Variants in CSGALNACT1 observed in about 807,000 individuals in gnomAD.
The protein encoded by CSGALNACT1 is chondroitin sulfate N-acetylgalactosaminyltransferase 1, also known as beta4GalNAcT-1.
Under a neutral mutation model 51.0 loss-of-function variants are expected in CSGALNACT1, and 52 were observed. The observed-to-expected ratio is 1.02, with a 90% CI of 0.82 to 1.29. The LOEUF is 1.29. Ranked by LOEUF, CSGALNACT1 falls within the 50% of genes most tolerant of loss-of-function variation. The pLI is 0.00. For synonymous variants in CSGALNACT1, 341 were observed against 254.4 expected (o/e 1.34, Z -3.24); for missense variants, 935 against 679.2 (o/e 1.38, Z -4.19).
At chr8:19,747,802 C>T (rs1399409961) in intron 1 of CSGALNACT1, among the ~76,000 whole-genome samples, 1 of 150,570 alleles carries the variant, frequency 6.6e-6, no homozygotes, top group Non-Finnish European at 1.5e-5. Context: ...ACACCTCCAA[C>T]TGGAGGAGAA....
At chr8:19,704,614 C>G (rs2062056512) in intron 1 of CSGALNACT1, among the ~76,000 whole-genome samples, 2 of 152,148 alleles carry the variant, frequency 1.3e-5, no homozygotes, top group Admixed American at 6.5e-5. Flanking sequence ...CAAAGAGATA[C>G]CTGCACTATT....
intron 3 of CSGALNACT1, among the ~76,000 whole-genome samples, chr8:19,541,144 A>T (rs1466786235): frequency 6.6e-6 from 1 of 151,880 alleles, no homozygotes; most frequent in Non-Finnish European, 1.5e-5. Flanking sequence ...CAGTGGCATG[A>T]TCGCAGCTCA....
At chr8:19,687,524 A>G (rs2061044876), upstream of CSGALNACT1, among the ~76,000 whole-genome samples, 1 of 152,248 alleles carries the variant, frequency 6.6e-6, no homozygotes, top group African/African-American at 2.4e-5. Context: ...TTCTTTTCAC[A>G]TAGAAGTTAA....
intron 4 of CSGALNACT1, among the ~76,000 whole-genome samples, chr8:19,470,281 C>G (rs1174432586): frequency 6.6e-6 from 1 of 152,096 alleles, no homozygotes; most frequent in African/African-American, 2.4e-5. Flanking sequence ...TCGTTAATTT[C>G]TTGGTGAAAC....
At chr8:19,480,672 G>A (rs987377394) in intron 4 of CSGALNACT1, among the ~76,000 whole-genome samples, 1 of 152,124 alleles carries the variant, frequency 6.6e-6, no homozygotes, top group Admixed American at 6.5e-5. Flanking sequence ...CCATCATTGG[G>A]AATTTCTAGT....
intron 9 of CSGALNACT1, among the ~76,000 whole-genome samples, chr8:19,406,696 C>A (rs1399813343): frequency 1.4e-5 from 2 of 147,880 alleles, no homozygotes; most frequent in Non-Finnish European, 3.0e-5. Context: ...CCTCTGAATG[C>A]AGATTCTTGT....
chr8:19,426,259 G>C (rs1240144051), intron 6 of CSGALNACT1, among the ~76,000 whole-genome samples: 1 of 152,166 alleles, frequency 6.6e-6, no homozygotes, highest in African/African-American at 2.4e-5. Context: ...CACTCAGATG[G>C]GCACCAGAGA....
At chr8:19,637,043 T>C (rs1000153439) in intron 1 of CSGALNACT1, among the ~76,000 whole-genome samples, 3 of 145,838 alleles carry the variant, frequency 2.1e-5, no homozygotes, top group Non-Finnish European at 4.5e-5. Context: ...AAAAAAAAAA[T>C]AGAACAATTA....
chr8:19,574,515 A>C (rs1012810091), intron 3 of CSGALNACT1, among the ~76,000 whole-genome samples: 8 of 152,198 alleles, frequency 5.3e-5, no homozygotes, highest in African/African-American at 1.9e-4. Flanking sequence ...CATTTTGCAC[A>C]ACAAATGCTG....
At chr8:19,606,145 C>G (rs964476686), upstream of CSGALNACT1, among the ~76,000 whole-genome samples, 1 of 152,202 alleles carries the variant, frequency 6.6e-6, no homozygotes, top group South Asian at 2.1e-4. Flanking sequence ...ACCCTCTTCA[C>G]CATCAGCATG....
chr8:19,518,252 G>A (rs1182816843), intron 3 of CSGALNACT1, among the ~76,000 whole-genome samples: 1 of 152,188 alleles, frequency 6.6e-6, no homozygotes, highest in African/African-American at 2.4e-5. Flanking sequence ...CTAACTAAGA[G>A]CAGCCTGAAA....
intron 1 of CSGALNACT1, among the ~76,000 whole-genome samples, chr8:19,746,512 A>C (rs557961887): frequency 6.6e-6 from 1 of 152,358 alleles, no homozygotes; most frequent in Admixed American, 6.5e-5. Context: ...ATCTTAGATA[A>C]GTCACTTAGC....
chr8:19,443,904 T>C (rs1186724145), intron 5 of CSGALNACT1, among the ~76,000 whole-genome samples: 2 of 152,186 alleles, frequency 1.3e-5, no homozygotes, highest in Non-Finnish European at 1.5e-5. Context: ...GGTGGGCTTA[T>C]GGTTTCAGCA....
intron 8 of CSGALNACT1, among the ~76,000 whole-genome samples, chr8:19,414,933 C>T (rs1211304268): frequency 1.3e-5 from 2 of 152,166 alleles, no homozygotes; most frequent in South Asian, 2.1e-4. Flanking sequence ...TGATCCATCT[C>T]CAACCATTAC....
intron 1 of CSGALNACT1, among the ~76,000 whole-genome samples, chr8:19,748,906 A>C (rs530714119): frequency 6.6e-6 from 1 of 151,834 alleles, no homozygotes; most frequent in Non-Finnish European, 1.5e-5. Context: ...CAGAGGTTGC[A>C]GTGAGCCGAG....
chr8:19,587,067 T>C (rs142445340), intron 3 of CSGALNACT1, among the ~76,000 whole-genome samples: 6 of 152,342 alleles, frequency 3.9e-5, no homozygotes, highest in East Asian at 1.9e-4. Context: ...GTTTGAGTTA[T>C]TGGCCTTAGG....
intron 1 of CSGALNACT1, among the ~76,000 whole-genome samples, chr8:19,662,384 A>T (rs2058838439): frequency 6.6e-6 from 1 of 152,264 alleles, no homozygotes; most frequent in African/African-American, 2.4e-5. Flanking sequence ...CTTGCCTCTA[A>T]AAAAGAAAGA....
In CSGALNACT1 at chr8:19,505,959, T is replaced by G; in HGVS notation, c.-125A>C. On this transcript the variant is annotated 5_prime_UTR_variant, in exon 4 of 10. The change abolishes an upstream ATG in the 5' untranslated region. Coordinates refer to ENST00000454498, the Ensembl canonical transcript of CSGALNACT1. ...GGGCCCCCGGAGCTGCTTGCATCCA[T>G]TTCCTTCTAGAACGAGTTCTGCCTC... 9.1e-7 allele frequency: 1 copy of G among 1,094,894 alleles called. No individual in the cohort carries two copies. Among genetic ancestry groups the G allele is most frequent in the Non-Finnish European group, 1.4e-6 (1 of 740,072 alleles). The allele number at this position is 1,094,894 out of a possible 1,614,324, so 67.8% of individuals were successfully genotyped here.
intron 5 of CSGALNACT1, among the ~76,000 whole-genome samples, chr8:19,452,990 A>T (rs2063465212): frequency 6.6e-6 from 1 of 152,216 alleles, no homozygotes. Flanking sequence ...ATGAGGAGAG[A>T]GCCAAGGAGA....
Sources: gnomAD v4.1 joint callset for allele counts (sites outside exome capture counted in the v4.1 genomes callset) on GRCh38, gnomAD v4.1.1 for gene constraint, MANE v1.5 for transcripts, NCBI Gene and HGNC (gene_info 2026-07-23, HGNC 2026-07-21) for gene names.